Variants in SLC5A10 observed in about 807,000 individuals in gnomAD.
SLC5A10 encodes the protein sodium/mannose cotransporter SLC5A10.
SLC5A10 carries 55 observed loss-of-function variants against 68.9 expected under a neutral mutation model. The ratio of observed to expected loss-of-function variants is 0.80; its 90% confidence interval spans 0.64 to 1.00. The LOEUF (loss-of-function observed/expected upper bound fraction) is 1.00. Ranked by LOEUF, SLC5A10 falls within the 50% of genes least tolerant of loss-of-function variation. The pLI is 0.00. For missense variants in SLC5A10, 732 were observed against 819.3 expected, an observed-to-expected ratio of 0.89 and a Z score of 1.30; for synonymous variants, 344 against 344.8, an observed-to-expected ratio of 1.00 and a Z score of 0.02.
chr17:18,965,053 A>G (rs1487067845), intron 5 of SLC5A10, among the ~76,000 whole-genome samples: 3 of 150,796 alleles, frequency 2.0e-5, no homozygotes, highest in Non-Finnish European at 4.4e-5. Context: ...CTGAGGCAGG[A>G]AAATCGCTTG....
intron 5 of SLC5A10, among the ~76,000 whole-genome samples, chr17:18,967,237 G>A (rs2042729393): frequency 6.6e-6 from 1 of 152,222 alleles, no homozygotes; most frequent in South Asian, 2.1e-4. Flanking sequence ...GTAGTGTCCA[G>A]TCTATAGGGG....
chr17:18,986,490 TCA>T (rs1429672378), intron 9 of SLC5A10, among the ~76,000 whole-genome samples: 3 of 152,194 alleles, frequency 2.0e-5, no homozygotes, highest in Non-Finnish European at 4.4e-5. Flanking sequence ...CCCTCGGATC[TCA>T]GTTTCTCCAT....
Position 19,004,060 on chromosome 17 carries a change from A to G in SLC5A10, c.983-9350A>G. ...AGGCCATGGCGCCGCCTGCCCGGGC[A>G]CTGCTGCCGGGGGTGGGTGGGCAAG... On this transcript the variant is annotated intron_variant, in intron 9 of 14. Coordinates refer to ENST00000395645, the MANE Select transcript of SLC5A10 (RefSeq NM_001042450.4). This position sits in a 1 kb window ranked among gnomAD's most constrained non-coding sequence, Gnocchi z 5.4. 1 of 1,563,864 alleles carries G rather than the reference A, an allele frequency of 6.4e-7. No homozygotes were observed. The highest frequency in any genetic ancestry group is 1.2e-5 in the South Asian group (1 of 83,630).
chr17:19,014,378 G>C (rs1037418219), intron 10 of SLC5A10, among the ~76,000 whole-genome samples: 2 of 152,026 alleles, frequency 1.3e-5, no homozygotes, highest in Non-Finnish European at 2.9e-5. Context: ...AATGCTACCC[G>C]CACCTCCTAG....
intron 9 of SLC5A10, among the ~76,000 whole-genome samples, chr17:18,984,446 A>G (rs1597862519): frequency 1.3e-5 from 2 of 151,920 alleles, no homozygotes; most frequent in East Asian, 3.9e-4. Context: ...GAACGGGGGA[A>G]CCTGGGCAGC....
intron 1 of SLC5A10, among the ~76,000 whole-genome samples, chr17:18,956,148 C>T (rs1174662824): frequency 2.0e-5 from 3 of 151,826 alleles, no homozygotes; most frequent in Non-Finnish European, 2.9e-5. Context: ...GAGCCAAGAT[C>T]GTGCCATTGC....
intron 9 of SLC5A10, among the ~76,000 whole-genome samples, chr17:18,983,369 T>TA (rs2043186801): frequency 6.6e-6 from 1 of 152,264 alleles, no homozygotes; most frequent in Non-Finnish European, 1.5e-5. Context: ...GTGAGCCATG[T>TA]AGGCAGCACC....
rs147287946 is a variant in SLC5A10 at position 19,003,291 on chromosome 17, G to A, written c.983-10119G>A. On this transcript the variant is annotated intron_variant, in intron 9 of 14. Coordinates refer to ENST00000395645, the MANE Select transcript of SLC5A10 (RefSeq NM_001042450.4). The surrounding 1 kb of genome is among the most constrained non-coding windows in gnomAD (Gnocchi z 4.5). ...AACAATAAAGAGGCCCTTTGAGACGGGGCAGCCCACTGTCACCTGCTAGGA... is the reference window on the plus strand; with the variant it reads ...AACAATAAAGAGGCCCTTTGAGACGAGGCAGCCCACTGTCACCTGCTAGGA... Among the ~76,000 whole-genome samples the A allele has an allele frequency of 1.2e-3, 181 of 151,832 alleles. 1 individual carries two copies. Among genetic ancestry groups the A allele is most frequent in the African/African-American group, 4.0e-3 (165 of 41,392 alleles).
intron 9 of SLC5A10, among the ~76,000 whole-genome samples, chr17:18,997,652 C>T (rs995746532): frequency 1.3e-5 from 2 of 152,222 alleles, no homozygotes; most frequent in Admixed American, 6.5e-5. Context: ...CACACCAGGG[C>T]AGGGCTGAGG....
At chr17:18,984,894 C>G (rs141384248) in intron 9 of SLC5A10, among the ~76,000 whole-genome samples, 1 of 152,246 alleles carries the variant, frequency 6.6e-6, no homozygotes, top group Non-Finnish European at 1.5e-5. Context: ...CCACTGGGGC[C>G]GGCCAGGGCA....
chr17:18,967,809 T>A (rs2042741608), intron 5 of SLC5A10, among the ~76,000 whole-genome samples: 2 of 151,664 alleles, frequency 1.3e-5, no homozygotes, highest in South Asian at 4.2e-4. Context: ...ACTTGAAGAG[T>A]CCATCCTGCT....
At chr17:19,019,047 G>A (rs2044200050) in intron 11 of SLC5A10, 3 of 212,028 alleles carry the variant, frequency 1.4e-5, no homozygotes. Context: ...ATTGGGAGGG[G>A]AAGACAGGCA....
intron 9 of SLC5A10, among the ~76,000 whole-genome samples, chr17:19,001,479 C>A (rs2043728064): frequency 6.6e-6 from 1 of 152,208 alleles, no homozygotes; most frequent in Non-Finnish European, 1.5e-5. Flanking sequence ...GCAGGGCCCA[C>A]CTGTCCGAGG....
At chr17:18,967,655 G>C (rs2151998276) in intron 5 of SLC5A10, among the ~76,000 whole-genome samples, 1 of 152,322 alleles carries the variant, frequency 6.6e-6, no homozygotes, top group South Asian at 2.1e-4. Context: ...GGCTGCCTGT[G>C]GTGGGCCTTC....
At chr17:18,991,816 C>T (rs2043433609) in intron 9 of SLC5A10, among the ~76,000 whole-genome samples, 1 of 152,240 alleles carries the variant, frequency 6.6e-6, no homozygotes, top group African/African-American at 2.4e-5. Flanking sequence ...GTGCATCTTA[C>T]TGATGGACAG....
intron 9 of SLC5A10, among the ~76,000 whole-genome samples, chr17:18,984,022 C>T (rs2043201690): frequency 6.6e-6 from 1 of 152,230 alleles, no homozygotes; most frequent in Non-Finnish European, 1.5e-5. Context: ...AAATGTCCCT[C>T]AGCAGAGTGA....
chr17:18,971,196 C>T lies in SLC5A10; in HGVS notation c.824C>T (p.Thr275Ile), dbSNP rs2042834246. Reference sequence around the variant, plus strand: ...ACCTTTGGCCTGACCATCATGGCCACCTGGTACTGGTGCACCGACCAGGTG... The same window carrying T: ...ACCTTTGGCCTGACCATCATGGCCATCTGGTACTGGTGCACCGACCAGGTG... ...GMTFGLTIMA[T>I]WYWCTDQVIV... Residue 275 changes from threonine to isoleucine, a missense_variant, in exon 8 of 15, where the codon ACC (threonine) becomes ATC (isoleucine). By Grantham distance (89) the Thr-to-Ile change is moderately conservative. Transcript: ENST00000395645. The surrounding 1 kb of genome is among the most constrained non-coding windows in gnomAD (Gnocchi z 5.5). 2 of 1,613,872 alleles carry T rather than the reference C, an allele frequency of 1.2e-6. No homozygotes were observed. Among genetic ancestry groups the T allele is most frequent in the African/African-American group, 1.3e-5 (1 of 74,944 alleles).
chr17:18,961,321 A>T (rs185946934), intron 5 of SLC5A10, among the ~76,000 whole-genome samples: 3 of 152,266 alleles, frequency 2.0e-5, no homozygotes, highest in African/African-American at 7.2e-5. Flanking sequence ...AGCTAGCTTC[A>T]TCCAGCCCCA....
chr17:19,016,546 T>C (rs978228230), intron 11 of SLC5A10, among the ~76,000 whole-genome samples: 12 of 152,144 alleles, frequency 7.9e-5, no homozygotes. Context: ...GGGTGGGGTC[T>C]CCTCCAGAGC....
Sources: gnomAD v4.1 joint callset for allele counts (sites outside exome capture counted in the v4.1 genomes callset) on GRCh38, gnomAD v4.1.1 for gene constraint, Gnocchi (gnomAD v3.1) non-coding constraint, MANE v1.5 for transcripts, NCBI Gene and HGNC (gene_info 2026-07-23, HGNC 2026-07-21) for gene names.